ASXL3: variants seen among roughly 807,000 people sequenced by gnomAD.
ASXL3 encodes the protein putative Polycomb group protein ASXL3.
A neutral mutation model predicts 170.6 loss-of-function variants in ASXL3; 34 were observed. The observed-to-expected ratio is 0.20, with a 90% CI of 0.15 to 0.27. The LOEUF is 0.27. ASXL3 is among the 10% of genes least tolerant of loss of function. The pLI, the probability that ASXL3 is intolerant of heterozygous loss-of-function variation, is 1.00. For missense variants in ASXL3, 2,592 were observed against 2,695.3 expected (o/e 0.96, Z 0.85); for synonymous variants, 1,002 against 989.1 (o/e 1.01, Z -0.24).
At chr18:33,656,784 AAAT>A (rs2066091508) in intron 4 of ASXL3, among the ~76,000 whole-genome samples, 1 of 152,076 alleles carries the variant, frequency 6.6e-6, no homozygotes, top group Non-Finnish European at 1.5e-5. Flanking sequence ...TAATTTGAGA[AAAT>A]AATTTAAGAA....
At chr18:33,650,077 A>C (rs62092365) in intron 4 of ASXL3, among the ~76,000 whole-genome samples, 12,446 of 152,148 alleles carry the variant, frequency 0.082, 581 homozygotes, top group African/African-American at 0.1. Flanking sequence ...TCTTTTTTGC[A>C]CAAAGATGTT....
chr18:33,593,036 C>T (rs1029971464), intron 1 of ASXL3, among the ~76,000 whole-genome samples: 5 of 151,978 alleles, frequency 3.3e-5, no homozygotes, highest in Admixed American at 6.6e-5. Context: ...GAGAGTAGAA[C>T]AATCGTTGTA....
Position 33,748,228 on chromosome 18 carries a change from A to C in ASXL3, c.*1633A>C, listed in dbSNP as rs2067828478. The C allele has an allele frequency of 6.6e-6, 1 of 152,330 alleles. No homozygotes were observed. The highest frequency in any genetic ancestry group is 2.1e-4 in the South Asian group (1 of 4,824). 9.4% of individuals were successfully genotyped at this position (152,330 alleles called of 1,614,324 possible). On this transcript the variant is annotated 3_prime_UTR_variant, in exon 12 of 12. Coordinates refer to ENST00000269197, the MANE Select transcript of ASXL3 (RefSeq NM_030632.3). ...TGACATTCCCGTAAAACACGTCTTA[A>C]AAGTTGACTGGAATGAGCAGAAATT...
Position 33,746,184 on chromosome 18 carries a change from A to G in ASXL3, c.6336A>G (p.Leu2112=). 1 of 1,613,944 alleles carries G rather than the reference A, an allele frequency of 6.2e-7. No homozygotes were observed. The highest frequency in any genetic ancestry group is 8.5e-7 in the Non-Finnish European group (1 of 1,179,892). The change falls in exon 12 of 12, where the codon TTA becomes TTG. Residue 2112 remains leucine (L), a synonymous_variant. Coordinates refer to ENST00000269197, the MANE Select transcript of ASXL3 (RefSeq NM_030632.3). ...SYDQNEMKEQ[L]KAFALKSADF... The stretch of plus-strand genomic sequence containing the variant: ...ACCAGAATGAAATGAAAGAACAGTT[A>G]AAAGCATTCGCGCTAAAAAGTGCAG...
Position 33,699,263 on chromosome 18 carries a change from A to T in ASXL3, c.879+15695A>T, listed in dbSNP as rs530068768. 3.2e-4 allele frequency among the ~76,000 whole-genome samples: 48 copies of T among 152,330 alleles called. 1 individual carries two copies. The South Asian group carries it at 9.7e-3, about 31-fold the overall frequency. On this transcript the variant is annotated intron_variant, in intron 8 of 11. Transcript: ENST00000269197. The stretch of plus-strand genomic sequence containing the variant: ...AAGCAGGCATTGTAAATATCTTCAG[A>T]TATCTAAAGGAAACCATGCTTACAT...
intron 7 of ASXL3, among the ~76,000 whole-genome samples, chr18:33,679,832 C>T (rs72961990): frequency 0.025 from 3,826 of 152,072 alleles, 61 homozygotes; most frequent in Middle Eastern, 0.041. Context: ...ATTACATCTG[C>T]CTTTAGATAT....
chr18:33,710,104 A>G (rs2067030275), intron 8 of ASXL3, among the ~76,000 whole-genome samples: 1 of 152,110 alleles, frequency 6.6e-6, no homozygotes. Flanking sequence ...AACAATACAA[A>G]AATTAGTCAG....
In ASXL3 at chr18:33,746,943, G is replaced by A. The variant is rs915437893; in HGVS notation, c.*348G>A. On this transcript the variant is annotated 3_prime_UTR_variant, in exon 12 of 12. Coordinates refer to ENST00000269197, the MANE Select transcript of ASXL3 (RefSeq NM_030632.3). ...TAATTACTTAATAACCGGAAATGCAGATGTGTAAGGAGAATGAGAGGAATG... is the reference window on the plus strand; with the variant it reads ...TAATTACTTAATAACCGGAAATGCAAATGTGTAAGGAGAATGAGAGGAATG... 1.1e-5 allele frequency: 2 copies of A among 189,976 alleles called. No homozygotes were observed. Among genetic ancestry groups the A allele is most frequent in the Non-Finnish European group, 2.1e-5 (2 of 93,486 alleles). The allele number at this position is 189,976 out of a possible 1,614,324, so 11.8% of individuals were successfully genotyped here.
chr18:33,727,973 TCACACTGC>T (rs2067377598), intron 8 of ASXL3, among the ~76,000 whole-genome samples: 1 of 152,192 alleles, frequency 6.6e-6, no homozygotes, highest in African/African-American at 2.4e-5. Flanking sequence ...TGTGTTTATG[TCACACTGC>T]CTTGCATTTC....
intron 8 of ASXL3, among the ~76,000 whole-genome samples, chr18:33,689,372 A>G (rs1373799948): frequency 6.6e-6 from 1 of 152,242 alleles, no homozygotes; most frequent in Non-Finnish European, 1.5e-5. Context: ...GGAAATTAAC[A>G]GTGATGATTA....
chr18:33,582,649 T>A (rs1252998545), intron 1 of ASXL3, among the ~76,000 whole-genome samples: 1 of 152,146 alleles, frequency 6.6e-6, no homozygotes, highest in Non-Finnish European at 1.5e-5. Context: ...TTTATTTACT[T>A]GTAGTTTAGA....
At chr18:33,737,956 G>C (rs537588194) in intron 10 of ASXL3, among the ~76,000 whole-genome samples, 2 of 151,866 alleles carry the variant, frequency 1.3e-5, no homozygotes, top group East Asian at 3.9e-4. Flanking sequence ...TATTTTATAC[G>C]TTATTTTGCT....
At chr18:33,658,253 C>G (rs568895785) in intron 4 of ASXL3, among the ~76,000 whole-genome samples, 1 of 152,070 alleles carries the variant, frequency 6.6e-6, no homozygotes, top group Non-Finnish European at 1.5e-5. Context: ...AATATTCAGG[C>G]AACTGTTTAA....
At chr18:33,742,737 C>A in intron 11 of ASXL3, 151 bp from the exon 12 acceptor site, 1 of 1,165,706 alleles carries the variant, frequency 8.6e-7, no homozygotes, top group Non-Finnish European at 1.1e-6. Context: ...TTGCTTTATG[C>A]CCTAAGGGTG....
rs1568364736 is a variant in ASXL3, at chr18:33,743,391, A to G, written c.3543A>G (p.Val1181=). The G allele has an allele frequency of 6.2e-7, 1 of 1,613,332 alleles. No individual in the cohort carries two copies. Among genetic ancestry groups the G allele is most frequent in the Non-Finnish European group, 8.5e-7 (1 of 1,179,852 alleles). The part of the protein sequence containing the change: ...KSAHLRETTT[V]LQQSLNPSKL... ...CCCACCTCCGGGAGACCACCACTGT[A>G]CTACAGCAGTCTCTTAACCCAAGTA... Residue 1181 remains valine, a synonymous_variant, in exon 12 of 12, where the codon GTA becomes GTG. Transcript: ENST00000269197.
chr18:33,635,383 C>A (rs994946621), intron 2 of ASXL3, among the ~76,000 whole-genome samples: 1 of 152,200 alleles, frequency 6.6e-6, no homozygotes, highest in African/African-American at 2.4e-5. Flanking sequence ...TTCCCATGAT[C>A]TTTTCTCCCC....
chr18:33,578,319 G>GGCCGGC lies in ASXL3; in HGVS notation c.-308_-303dup, dbSNP rs2064959305. The GGCCGGC allele has an allele frequency of 6.9e-6, 1 of 144,220 alleles. No individual in the cohort carries two copies. The highest frequency in any genetic ancestry group is 1.5e-5 in the Non-Finnish European group (1 of 65,148). The allele number at this position is 144,220 out of a possible 1,614,324, so 8.9% of individuals were successfully genotyped here. On this transcript the variant is annotated 5_prime_UTR_variant, in exon 1 of 12. Transcript: ENST00000269197. ...GCGCGAGCCCCGCACGAGCGAGCCCGGCCGGCGCCGCCCCCGCCCCTGGCC... is the reference window on the plus strand; with the variant it reads ...GCGCGAGCCCCGCACGAGCGAGCCCGGCCGGCGCCGGCGCCGCCCCCGCCCCTGGCC...
intron 2 of ASXL3, among the ~76,000 whole-genome samples, chr18:33,639,764 A>G (rs980433965): frequency 1.3e-5 from 2 of 152,148 alleles, no homozygotes; most frequent in Admixed American, 6.6e-5. Flanking sequence ...TAATAGGATA[A>G]GAGTTCTAAA....
intron 5 of ASXL3, among the ~76,000 whole-genome samples, chr18:33,663,733 ATATATT>A (rs1055599643): frequency 2.6e-5 from 4 of 152,150 alleles, no homozygotes; most frequent in Non-Finnish European, 4.4e-5. Flanking sequence ...CAGATTGGAA[ATATATT>A]TAGAAGAAAA....
Sources: gnomAD v4.1 joint callset for allele counts (sites outside exome capture counted in the v4.1 genomes callset) on GRCh38, gnomAD v4.1.1 for gene constraint, MANE v1.5 for transcripts, NCBI Gene and HGNC (gene_info 2026-07-23, HGNC 2026-07-21) for gene names.